The following SDK1 variants were observed in gnomAD, a reference collection of about 807,000 sequenced individuals.
SDK1 encodes sidekick cell adhesion molecule 1.
A neutral mutation model predicts 245.5 loss-of-function variants in SDK1; 157 were observed. That is an observed-to-expected ratio of 0.64 (90% CI 0.56 to 0.73). SDK1 has a LOEUF of 0.73. Ranked by LOEUF, SDK1 falls within the 30% of genes least tolerant of loss-of-function variation. The pLI, the probability that SDK1 is intolerant of heterozygous loss-of-function variation, is 0.00. For missense variants in SDK1, 3,583 were observed against 3,002.3 expected (o/e 1.19, Z -4.52); for synonymous variants, 1,647 against 1,278.5 (o/e 1.29, Z -6.15).
At chr7:3,723,326 A>G (rs1411619520) in intron 4 of SDK1, among the ~76,000 whole-genome samples, 1 of 152,238 alleles carries the variant, frequency 6.6e-6, no homozygotes, top group African/African-American at 2.4e-5. Flanking sequence ...TTCCTGAAAG[A>G]AGAGCAATTT....
At chr7:3,519,862 A>G (rs1002911819) in intron 1 of SDK1, among the ~76,000 whole-genome samples, 4 of 152,180 alleles carry the variant, frequency 2.6e-5, no homozygotes, top group South Asian at 2.1e-4. Flanking sequence ...AGTAAAAAGG[A>G]TGTTAGTATA....
At chr7:4,194,190 GGAGA>G (rs1361100646) in intron 35 of SDK1, among the ~76,000 whole-genome samples, 4 of 152,050 alleles carry the variant, frequency 2.6e-5, no homozygotes, top group Non-Finnish European at 5.9e-5. Flanking sequence ...AGAACTAATA[GGAGA>G]GAGAGCGAGA....
At chr7:3,982,242 T>G (rs1378549753) in intron 13 of SDK1, among the ~76,000 whole-genome samples, 1 of 152,240 alleles carries the variant, frequency 6.6e-6, no homozygotes, top group Non-Finnish European at 1.5e-5. Context: ...CAAGCCTACT[T>G]TTGAGACCTG....
At chr7:4,225,321 A>C (rs1785367902) in intron 40 of SDK1, among the ~76,000 whole-genome samples, 1 of 152,164 alleles carries the variant, frequency 6.6e-6, no homozygotes, top group African/African-American at 2.4e-5. Flanking sequence ...TTTAGCGTCA[A>C]GTAATCATTG....
rs542361365 is a variant in SDK1, at chr7:3,661,718, A to T, written c.713+19613A>T. On this transcript the variant is annotated intron_variant, in intron 4 of 44. Coordinates refer to ENST00000404826, the MANE Select transcript of SDK1 (RefSeq NM_152744.4). ...TATATGATTTGGAAAAATGCAGTATAAAATGGTGGCTAAGAATGTAAACTC... is the reference window on the plus strand; with the variant it reads ...TATATGATTTGGAAAAATGCAGTATTAAATGGTGGCTAAGAATGTAAACTC... 6.2e-4 allele frequency among the ~76,000 whole-genome samples: 94 copies of T among 152,338 alleles called. 1 individual carries two copies. The highest frequency in any genetic ancestry group is 2.2e-3 in the African/African-American group (93 of 41,566).
intron 1 of SDK1, among the ~76,000 whole-genome samples, chr7:3,455,365 C>T (rs1780637367): frequency 6.7e-6 from 1 of 149,476 alleles, no homozygotes. Context: ...CCATTAGTTC[C>T]TGAAGATTTT....
At chr7:4,135,705 G>T (rs909491302) in intron 28 of SDK1, among the ~76,000 whole-genome samples, 2 of 152,222 alleles carry the variant, frequency 1.3e-5, no homozygotes, top group African/African-American at 4.8e-5. Context: ...AAGCACATTC[G>T]TGCCTCCCTC....
intron 1 of SDK1, among the ~76,000 whole-genome samples, chr7:3,555,618 A>G (rs544195974): frequency 1.3e-5 from 2 of 152,320 alleles, no homozygotes; most frequent in African/African-American, 2.4e-5. Context: ...AAGGAAAACA[A>G]TCAACAAAGC....
intron 1 of SDK1, among the ~76,000 whole-genome samples, chr7:3,334,167 A>G (rs4268016): frequency 0.99 from 151,176 of 152,332 alleles, 75,022 homozygotes; most frequent in Middle Eastern, 1. Flanking sequence ...GACTCTGCAG[A>G]GCTAGAAGGT....
chr7:3,357,347 T>G lies in SDK1; in HGVS notation c.298+55463T>G, dbSNP rs1429568017. Among the ~76,000 whole-genome samples, 202 of 106,496 alleles carry G rather than the reference T, an allele frequency of 1.9e-3. 5 individuals are homozygous for G. Among genetic ancestry groups the G allele is most frequent in the Non-Finnish European group, 3.4e-3 (175 of 51,544 alleles). The allele number at this position is 106,496 out of a possible 152,430, so 69.9% of individuals were successfully genotyped here. ...TTTAGTGTTTTTTTTTTTTTTTTTTTTTTTTTTTTTTTTTTTTTTTGAGGC... is the reference window on the plus strand; with the variant it reads ...TTTAGTGTTTTTTTTTTTTTTTTTTGTTTTTTTTTTTTTTTTTTTTGAGGC... On this transcript the variant is annotated intron_variant, in intron 1 of 44. Coordinates refer to ENST00000404826, the MANE Select transcript of SDK1 (RefSeq NM_152744.4).
At chr7:3,473,166 AAC>A (rs1245270673) in intron 1 of SDK1, among the ~76,000 whole-genome samples, 3 of 152,170 alleles carry the variant, frequency 2.0e-5, no homozygotes, top group Non-Finnish European at 4.4e-5. Flanking sequence ...AAGATGAGAA[AAC>A]ACACCTGCAA....
intron 1 of SDK1, among the ~76,000 whole-genome samples, chr7:3,606,055 C>T (rs1423466700): frequency 2.0e-5 from 3 of 152,188 alleles, no homozygotes; most frequent in African/African-American, 4.8e-5. Flanking sequence ...GCTAATTTAA[C>T]AGCTCTGTGT....
At chr7:4,136,417 G>C (rs991339188) in intron 28 of SDK1, among the ~76,000 whole-genome samples, 1 of 152,182 alleles carries the variant, frequency 6.6e-6, no homozygotes, top group Non-Finnish European at 1.5e-5. Context: ...TGGCAGCTTG[G>C]CCTTCTGAGT....
At chr7:3,563,505 CAAG>C (rs1194036837) in intron 1 of SDK1, among the ~76,000 whole-genome samples, 1 of 152,000 alleles carries the variant, frequency 6.6e-6, no homozygotes, top group African/African-American at 2.4e-5. Context: ...GGGAATATGA[CAAG>C]AAGATGTAAC....
intron 4 of SDK1, among the ~76,000 whole-genome samples, chr7:3,650,192 G>C (rs1400278175): frequency 6.6e-6 from 1 of 152,148 alleles, no homozygotes; most frequent in African/African-American, 2.4e-5. Flanking sequence ...TGGGAGTACA[G>C]GTGTGAGTCA....
chr7:4,171,376 A>C (rs1307493854), intron 32 of SDK1, among the ~76,000 whole-genome samples: 1 of 152,220 alleles, frequency 6.6e-6, no homozygotes, highest in Non-Finnish European at 1.5e-5. Flanking sequence ...AGCGCCGGGG[A>C]GGGAGCGGGT....
chr7:3,616,489 C>T (rs1451659561), intron 1 of SDK1, among the ~76,000 whole-genome samples: 1 of 152,196 alleles, frequency 6.6e-6, no homozygotes, highest in Non-Finnish European at 1.5e-5. Flanking sequence ...TGTTTGCTCC[C>T]ACCAGAGGGC....
intron 5 of SDK1, among the ~76,000 whole-genome samples, chr7:3,857,933 G>A (rs181593926): frequency 1.5e-3 from 229 of 152,228 alleles, no homozygotes; most frequent in Admixed American, 3.3e-3. Context: ...CTTTAATGAC[G>A]ATTTTTAAAA....
At chr7:4,011,156 G>A (rs1785924726) in intron 15 of SDK1, 43 bp downstream of exon 15, 2 of 1,601,918 alleles carry the variant, frequency 1.2e-6, no homozygotes, top group Admixed American at 3.4e-5. Flanking sequence ...AACAGCCGGG[G>A]GCCTGAATGC....
Sources: allele counts gnomAD v4.1 joint callset (sites outside exome capture counted in the v4.1 genomes callset), GRCh38; gene constraint gnomAD v4.1.1; transcripts MANE v1.5; gene names NCBI Gene and HGNC (gene_info 2026-07-23, HGNC 2026-07-21).